The following TMEM223 variants were observed in gnomAD, a reference collection of about 807,000 sequenced individuals.
TMEM223 encodes the protein transmembrane protein 223.
TMEM223 carries 14 observed loss-of-function variants against 14.1 expected under a neutral mutation model. That is an observed-to-expected ratio of 0.99 (90% confidence interval 0.66 to 1.55). TMEM223 has a LOEUF of 1.55. Among genes scored for constraint, TMEM223 ranks in the 40% most tolerant of loss-of-function variants. TMEM223 has a pLI of 0.00. For missense variants in TMEM223, 346 were observed against 269.9 expected (o/e 1.28, Z -1.97); for synonymous variants, 145 against 120.5 (o/e 1.20, Z -1.33).
At chr11:62,776,485 G>A in intron 1 of TMEM223, 1 of 1,612,310 alleles carries the variant, frequency 6.2e-7, no homozygotes. Context: ...GTGGGGTGCA[G>A]GCTACAGAGG....
At chr11:62,786,395 A>AC, downstream of TMEM223, 1 of 1,611,438 alleles carries the variant, frequency 6.2e-7, no homozygotes, top group East Asian at 2.2e-5. Flanking sequence ...TCTGGTGAGT[A>AC]CCGTCCCCTT....
In TMEM223 at chr11:62,789,993, T is replaced by C; in HGVS notation, c.*630A>G. On this transcript the variant is annotated 3_prime_UTR_variant, in exon 2 of 2. Coordinates refer to ENST00000307366, the MANE Select transcript of TMEM223 (RefSeq NM_001080501.3). ...ACCGGCCTCTGGAGAGGGGTGACCC[T>C]GAGTGGAGCTCTGAGACAGATGCTC... The C allele has an allele frequency of 6.2e-7, 1 of 1,614,128 alleles. No homozygotes were observed.
Position 62,791,955 on chromosome 11 carries a change from C to A in TMEM223, c.40G>T (p.Ala14Ser), listed in dbSNP as rs182678917. 5.1e-6 allele frequency: 8 copies of A among 1,578,572 alleles called. No individual in the cohort carries two copies. Among genetic ancestry groups the A allele is most frequent in the South Asian group, 2.3e-5 (2 of 87,338 alleles). ...PWRRWPTGLLAVLRPLLTCRP... is the reference protein window; with the variant it reads ...PWRRWPTGLLSVLRPLLTCRP... ...CAGGTGAGCAGGGGCCGCAGCACGG[C>A]TAGCAGCCCCGTGGGCCATCGCCTC... Residue 14 changes from alanine to serine, a missense_variant, in exon 1 of 2, where the codon GCC (alanine) becomes TCC (serine). Physicochemically the swap from Ala to Ser is moderately conservative, Grantham distance 99. Transcript: ENST00000307366.
intron 1 of TMEM223, among the ~76,000 whole-genome samples, chr11:62,780,974 G>T (rs970087706): frequency 6.9e-5 from 10 of 144,382 alleles, no homozygotes; most frequent in Non-Finnish European, 1.0e-4. Context: ...GGTGGCTAAC[G>T]CCTGTAATCT....
downstream of TMEM223, among the ~76,000 whole-genome samples, chr11:62,784,405 C>T (rs894831150): frequency 9.3e-5 from 14 of 150,920 alleles, 1 homozygote; most frequent in Admixed American, 8.6e-4. Flanking sequence ...CCCGGGTTCA[C>T]GCCATTCTCC....
At position 62,790,089 on chromosome 11, in the gene TMEM223, C is replaced by T; in HGVS notation, c.*534G>A. ...TTCCTGCAGCCGAAGACTCCATGCCCAAGTGCCTGTAATCCCCCCCCTCAA... is the reference window on the plus strand; with the variant it reads ...TTCCTGCAGCCGAAGACTCCATGCCTAAGTGCCTGTAATCCCCCCCCTCAA... On this transcript the variant is annotated 3_prime_UTR_variant, in exon 2 of 2. Transcript: ENST00000307366. The T allele has an allele frequency of 6.5e-7, 1 of 1,535,552 alleles. No individual in the cohort carries two copies.
downstream of TMEM223, chr11:62,786,267 A>C (rs540884599): frequency 5.6e-6 from 9 of 1,612,200 alleles, no homozygotes; most frequent in East Asian, 2.0e-4. Flanking sequence ...CAGGCAGTAG[A>C]ACGAGTCCTG....
At chr11:62,782,139 G>A in intron 1 of TMEM223, 1 of 1,611,780 alleles carries the variant, frequency 6.2e-7, no homozygotes, top group Non-Finnish European at 8.5e-7. Context: ...ATGACCTGGA[G>A]CAACTGCACC....
At chr11:62,782,963 A>C, downstream of TMEM223, 2 of 1,293,512 alleles carry the variant, frequency 1.5e-6, no homozygotes, top group Non-Finnish European at 2.1e-6. Context: ...GGCCAGGCTC[A>C]GTGATACTTG....
rs1590944794 is a variant in TMEM223, at chr11:62,790,280, TAGG to T, written c.*340_*342del. 1.8e-6 allele frequency: 1 copy of T among 562,262 alleles called. No homozygotes were observed. The highest frequency in any genetic ancestry group is 3.1e-5 in the East Asian group (1 of 32,154). 34.8% of individuals were successfully genotyped at this position (562,262 alleles called of 1,614,324 possible). ...TTTTTGATGTTAAAGTACAACTAGA[TAGG>T]AGGAAGGAGTGAAGGCTAAGCAGAC... On this transcript the variant is annotated 3_prime_UTR_variant, in exon 2 of 2. Transcript: ENST00000307366.
At position 62,791,823 on chromosome 11, in the gene TMEM223, A is replaced by G. The variant is rs745472928; in HGVS notation, c.172T>C (p.Phe58Leu). The change falls in exon 1 of 2, where the codon TTC becomes CTC. Residue 58 changes from phenylalanine (F) to leucine (L), a missense_variant. Coordinates refer to ENST00000307366, the MANE Select transcript of TMEM223 (RefSeq NM_001080501.3). The part of the protein sequence containing the change: ...LGLFCAGQGV[F>L]WASMAVAAVS... ...GCTGCCACAGCCATGGAAGCCCAGA[A>G]GACGCCCTGGCCCGCGCAGAACAGC... 4 of 1,586,788 alleles carry G rather than the reference A, an allele frequency of 2.5e-6. No homozygotes were observed. Among genetic ancestry groups the G allele is most frequent in the Non-Finnish European group, 3.4e-6 (4 of 1,167,406 alleles).
At chr11:62,775,870 C>G (rs754808841) in intron 1 of TMEM223, 1 of 1,613,844 alleles carries the variant, frequency 6.2e-7, no homozygotes, top group Non-Finnish European at 8.5e-7. Flanking sequence ...TGGAGCTGAG[C>G]GATGAGGTGG....
intron 1 of TMEM223, among the ~76,000 whole-genome samples, chr11:62,779,976 A>ATTTTTTTTTT (rs1277954265): frequency 1.4e-3 from 73 of 52,600 alleles, no homozygotes; most frequent in East Asian, 4.1e-3. Context: ...ATATATATAT[A>ATTTTTTTTTT]TTTTTTTTTT....
chr11:62,787,930 C>T (rs1418193089), downstream of TMEM223: 1 of 498,428 alleles, frequency 2.0e-6, no homozygotes, highest in Admixed American at 2.3e-5. Flanking sequence ...ATCAAGCTGC[C>T]ACATGATTGT....
At chr11:62,789,725 C>T (rs202082969), downstream of TMEM223, 21 of 1,519,030 alleles carry the variant, frequency 1.4e-5, no homozygotes, top group Admixed American at 6.5e-5. Context: ...ATATCTGTAG[C>T]TGTGTGGGTG....
At chr11:62,774,468 G>T (rs549536528) in intron 2 of TMEM223, 64 of 415,802 alleles carry the variant, frequency 1.5e-4, no homozygotes, top group Non-Finnish European at 2.8e-4. Context: ...TAGGGACCTG[G>T]ACGTCACTGG....
At chr11:62,783,759 C>T (rs1017522330), downstream of TMEM223, among the ~76,000 whole-genome samples, 6 of 151,720 alleles carry the variant, frequency 4.0e-5, no homozygotes, top group African/African-American at 1.5e-4. Context: ...TCTCAAACTC[C>T]TAGCCTCAAG....
intron 1 of TMEM223, chr11:62,778,947 A>G: frequency 1.2e-6 from 2 of 1,613,478 alleles, no homozygotes; most frequent in Non-Finnish European, 1.7e-6. Flanking sequence ...CTAGGGGATG[A>G]TCCGCAACTG....
chr11:62,786,669 C>CT, downstream of TMEM223: 1 of 1,611,672 alleles, frequency 6.2e-7, no homozygotes, highest in South Asian at 1.1e-5. Context: ...CAGAACCCAG[C>CT]TTTGGGTCCG....
Sources: gnomAD v4.1 joint callset for allele counts (sites outside exome capture counted in the v4.1 genomes callset) on GRCh38, gnomAD v4.1.1 for gene constraint, MANE v1.5 for transcripts, NCBI Gene and HGNC (gene_info 2026-07-23, HGNC 2026-07-21) for gene names.